UACA: variants seen among roughly 807,000 people sequenced by gnomAD.
UACA encodes the protein nuclear membrane binding protein.
Under a neutral mutation model 160.5 loss-of-function variants are expected in UACA, and 112 were observed. The ratio of observed to expected loss-of-function variants is 0.70; its 90% confidence interval spans 0.60 to 0.82. The LOEUF (loss-of-function observed/expected upper bound fraction) is 0.82. Among genes scored for constraint, UACA ranks in the 40% least tolerant of loss-of-function variants. UACA has a pLI of 0.00. For synonymous variants in UACA, 557 were observed against 568.4 expected, an observed-to-expected ratio of 0.98 and a Z score of 0.29; for missense variants, 1,574 against 1,614.6, an observed-to-expected ratio of 0.97 and a Z score of 0.43.
chr15:70,707,866 T>C (rs1343711329), intron 1 of UACA, among the ~76,000 whole-genome samples: 1 of 152,210 alleles, frequency 6.6e-6, no homozygotes, highest in African/African-American at 2.4e-5. Flanking sequence ...CATATGGTGA[T>C]TCCTCGAAAA....
intron 1 of UACA, among the ~76,000 whole-genome samples, chr15:70,750,205 G>A (rs753279092): frequency 1.2e-4 from 18 of 152,234 alleles, no homozygotes; most frequent in Middle Eastern, 3.4e-3. Flanking sequence ...CAATCCACCT[G>A]TCTCCAGGCT....
chr15:70,702,272 G>C (rs189361047), intron 1 of UACA: 1 of 1,042,496 alleles, frequency 9.6e-7, no homozygotes, highest in Non-Finnish European at 1.2e-6. Flanking sequence ...GCATCCTGCT[G>C]CCTCAACACT....
At chr15:70,675,805 G>A (rs931650620) in intron 13 of UACA, among the ~76,000 whole-genome samples, 2 of 152,156 alleles carry the variant, frequency 1.3e-5, no homozygotes, top group Admixed American at 1.3e-4. Context: ...GGTATTAAGA[G>A]GTGGGGCCTT....
In UACA at chr15:70,668,603, A is replaced by G. The variant is rs1897021802; in HGVS notation, c.2081T>C (p.Leu694Ser). Residue 694 changes from leucine (L) to serine (S), a missense_variant, in exon 16 of 19, where the codon TTA becomes TCA. Leu to Ser is a moderately radical substitution (Grantham distance 145, BLOSUM62 -2). Transcript: ENST00000322954. ...CCCAAGTTCTCCTGATTTCTGTTCT[A>G]ATCTGCTCTTAACCTGTTCATGTTC... ...PEEHEQVKSR[L>S]EQKSGELGKK... 1 of 1,613,640 alleles carries G rather than the reference A, an allele frequency of 6.2e-7. No homozygotes were observed. Among genetic ancestry groups the G allele is most frequent in the African/African-American group, 1.3e-5 (1 of 74,890 alleles).
intron 2 of UACA, among the ~76,000 whole-genome samples, chr15:70,697,384 CTGTTCTCCAAGTAGCAA>C (rs1898167025): frequency 6.6e-6 from 1 of 152,242 alleles, no homozygotes. Context: ...CTGGAGTCCA[CTGTTCTCCAAGTAGCAA>C]TGGAATCCTT....
At position 70,668,203 on chromosome 15, in the gene UACA, C is replaced by T. The variant is rs150709937; in HGVS notation, c.2481G>A (p.Leu827=). 8.1e-6 allele frequency: 13 copies of T among 1,611,664 alleles called. No homozygotes were observed. The African/African-American group carries it at 1.7e-4, about 22-fold the overall frequency. The stretch of plus-strand genomic sequence containing the variant: ...CACCACATTTTTTCTTAAGTTCAGA[C>T]AGCTGTTTCTTAAGTTCAACAATAT... ...KSNIVELKKQ[L]SELKKKCGED... is the part of the protein sequence containing the mutation. Residue 827 remains leucine, a synonymous_variant, in exon 16 of 19, where the codon CTG becomes CTA. Coordinates refer to ENST00000322954, the MANE Select transcript of UACA (RefSeq NM_018003.4).
chr15:70,663,866 T>C (rs1249094905), intron 17 of UACA, among the ~76,000 whole-genome samples: 1 of 99,854 alleles, frequency 1.0e-5, no homozygotes, highest in Non-Finnish European at 1.9e-5. Context: ...CTGGGGCCTG[T>C]TGTGGGGTGG....
At chr15:70,674,905 T>C (rs1390025942) in intron 13 of UACA, among the ~76,000 whole-genome samples, 2 of 152,194 alleles carry the variant, frequency 1.3e-5, no homozygotes, top group Admixed American at 6.5e-5. Flanking sequence ...GGCCTATACC[T>C]TACACTTAAG....
At chr15:70,718,417 G>A (rs1231567319) in intron 1 of UACA, among the ~76,000 whole-genome samples, 1 of 149,282 alleles carries the variant, frequency 6.7e-6, no homozygotes, top group Admixed American at 6.7e-5. Context: ...GATCAGCCAT[G>A]TGATATGTTT....
chr15:70,728,294 C>A (rs546395777), intron 1 of UACA, among the ~76,000 whole-genome samples: 1 of 152,074 alleles, frequency 6.6e-6, no homozygotes, highest in African/African-American at 2.4e-5. Context: ...CCAGGCGCAG[C>A]GGCTCACGCC....
chr15:70,701,950 C>G, intron 1 of UACA: 1 of 1,610,136 alleles, frequency 6.2e-7, no homozygotes, highest in Non-Finnish European at 8.5e-7. Flanking sequence ...TAATGGCAAA[C>G]TACTTTGCAT....
At chr15:70,778,509 G>C in the UACA span, among the ~76,000 whole-genome samples, 1 of 152,140 alleles carries the variant, frequency 6.6e-6, no homozygotes, top group Admixed American at 6.5e-5. Context: ...TGTTTCCACA[G>C]TCACATCTCT....
At chr15:70,757,493 C>T (rs1413060877) in intron 1 of UACA, among the ~76,000 whole-genome samples, 1 of 152,144 alleles carries the variant, frequency 6.6e-6, no homozygotes, top group African/African-American at 2.4e-5. Flanking sequence ...GGACAGAATA[C>T]ATGATATACT....
Position 70,668,015 on chromosome 15 carries a change from A to C in UACA, c.2669T>G (p.Phe890Cys). The C allele has an allele frequency of 6.2e-7, 1 of 1,604,452 alleles. No homozygotes were observed. Among genetic ancestry groups the C allele is most frequent in the Non-Finnish European group, 8.5e-7 (1 of 1,176,686 alleles). ...TACAAATTCCTGATTTATATCTTCA[A>C]ATTTTTTCTTCACATCTAATAATTC... ...NRELLDVKKK[F>C]EDINQEFVKI... Residue 890 changes from phenylalanine (F) to cysteine (C), a missense_variant, in exon 16 of 19, where the codon TTT becomes TGT. Transcript: ENST00000322954.
chr15:70,668,508 T>C lies in UACA; in HGVS notation c.2176A>G (p.Asn726Asp). 6.2e-7 allele frequency: 1 copy of C among 1,610,738 alleles called. No individual in the cohort carries two copies. The highest frequency in any genetic ancestry group is 1.1e-5 in the South Asian group (1 of 90,060). Residue 726 changes from asparagine to aspartate, a missense_variant, in exon 16 of 19, where the codon AAT (asparagine) becomes GAT (aspartate). Coordinates refer to ENST00000322954, the MANE Select transcript of UACA (RefSeq NM_018003.4). ...TGTGCTTGCTCCTTGAGGAGCTTAT[T>C]ATCCAAATAAACTTTTTCAATTTCC... ...QKEIEKVYLD[N>D]KLLKEQAHNL...
intron 1 of UACA, among the ~76,000 whole-genome samples, chr15:70,739,916 C>T (rs1899477129): frequency 6.6e-6 from 1 of 152,124 alleles, no homozygotes; most frequent in African/African-American, 2.4e-5. Flanking sequence ...CAATTTGCCT[C>T]CCAAATCCAC....
At chr15:70,660,751 T>C (rs570054814) in intron 17 of UACA, 2 of 152,522 alleles carry the variant, frequency 1.3e-5, no homozygotes, top group African/African-American at 4.8e-5. Flanking sequence ...AGTTTTGCGA[T>C]GAGCAGTTTC....
chr15:70,723,109 T>A (rs1224867205), intron 1 of UACA, among the ~76,000 whole-genome samples: 8 of 152,198 alleles, frequency 5.3e-5, no homozygotes, highest in Non-Finnish European at 1.0e-4. Flanking sequence ...TTCCTCATTT[T>A]AAAAATAATG....
In UACA at chr15:70,695,017, C is replaced by T; in HGVS notation, c.301G>A (p.Gly101Arg). The T allele has an allele frequency of 6.2e-7, 1 of 1,604,614 alleles. No homozygotes were observed. ...GVDITTSDTA[G>R]RNALHLAAKY... ...TAATTAACTATGGAGGCAAACATAC[C>T]TGCAGTGTCACTGGTTGTAATATCA... The change falls in exon 3 of 19, where the codon GGG becomes AGG. Residue 101 changes from glycine (G) to arginine (R), a missense_variant and splice_region_variant. Gly to Arg is a moderately radical substitution (Grantham distance 125). Coordinates refer to ENST00000322954, the MANE Select transcript of UACA (RefSeq NM_018003.4).
Sources: allele counts gnomAD v4.1 joint callset (sites outside exome capture counted in the v4.1 genomes callset), GRCh38; gene constraint gnomAD v4.1.1; transcripts MANE v1.5; gene names NCBI Gene and HGNC (gene_info 2026-07-23, HGNC 2026-07-21).